LYSMD2: variants seen among roughly 807,000 people sequenced by gnomAD.
LYSMD2 encodes the protein lysM and putative peptidoglycan-binding domain-containing protein 2.
LYSMD2 carries 6 observed loss-of-function variants against 17.7 expected under a neutral mutation model. The ratio of observed to expected loss-of-function variants is 0.34; its 90% CI spans 0.19 to 0.67. LYSMD2 has a LOEUF of 0.67. Among genes scored for constraint, LYSMD2 ranks in the 30% least tolerant of loss-of-function variants. The pLI is 0.69. For synonymous variants in LYSMD2, 102 were observed against 129.8 expected (o/e 0.79, Z 1.45); for missense variants, 237 against 286.7 (o/e 0.83, Z 1.25).
chr15:51,748,004 G>A (rs1162597723), intron 1 of LYSMD2, among the ~76,000 whole-genome samples: 1 of 152,106 alleles, frequency 6.6e-6, no homozygotes, highest in Non-Finnish European at 1.5e-5. Flanking sequence ...CGGGCCCGGT[G>A]GCTCACGCCT....
chr15:51,727,851 TACAAGATGACAC>T (rs2141592715), intron 1 of LYSMD2, among the ~76,000 whole-genome samples: 1 of 152,336 alleles, frequency 6.6e-6, no homozygotes, highest in South Asian at 2.1e-4. Flanking sequence ...TGGTCTAGAC[TACAAGATGACAC>T]ACAAGATGAC....
chr15:51,745,564 A>G (rs1156583755), intron 1 of LYSMD2, among the ~76,000 whole-genome samples: 1 of 152,186 alleles, frequency 6.6e-6, no homozygotes, highest in Non-Finnish European at 1.5e-5. Context: ...TGTTATAAGA[A>G]CATTCAACAA....
intron 1 of LYSMD2, among the ~76,000 whole-genome samples, chr15:51,747,258 G>A (rs1193151381): frequency 6.6e-6 from 1 of 151,546 alleles, no homozygotes; most frequent in East Asian, 2.0e-4. Flanking sequence ...TTGGGAGGCT[G>A]AGGCAGGCGG....
At chr15:51,746,037 G>A (rs2141603684) in intron 1 of LYSMD2, among the ~76,000 whole-genome samples, 1 of 152,292 alleles carries the variant, frequency 6.6e-6, no homozygotes, top group South Asian at 2.1e-4. Flanking sequence ...TTGGAAAACA[G>A]TTTGGTGGTC....
chr15:51,734,980 G>A (rs987676561), intron 1 of LYSMD2, among the ~76,000 whole-genome samples: 9 of 152,072 alleles, frequency 5.9e-5, no homozygotes, highest in African/African-American at 2.2e-4. Context: ...TTCCAGACCA[G>A]CCTGGGCAAC....
intron 1 of LYSMD2, among the ~76,000 whole-genome samples, chr15:51,735,829 A>C (rs546322917): frequency 1.3e-5 from 2 of 152,234 alleles, no homozygotes. Flanking sequence ...GGAAGACAGC[A>C]TGGGAAATAA....
At position 51,724,825 on chromosome 15, in the gene LYSMD2, T is replaced by A; in HGVS notation, c.570A>T (p.Ser190=). Residue 190 remains serine (S), a synonymous_variant, in exon 2 of 3, where the codon TCA becomes TCT. Coordinates refer to ENST00000267838, the MANE Select transcript of LYSMD2 (RefSeq NM_153374.3). ...LQRLDLQIKL[S]TQAAKKLKEE... Reference sequence around the variant, plus strand: ...CTTTTAGCTTCTTGGCTGCCTGTGTTGATAACTTAATCTGCAAGTCAAGTC... The same window carrying A: ...CTTTTAGCTTCTTGGCTGCCTGTGTAGATAACTTAATCTGCAAGTCAAGTC... 1 of 1,614,022 alleles carries A rather than the reference T, an allele frequency of 6.2e-7. No homozygotes were observed. Among genetic ancestry groups the A allele is most frequent in the Non-Finnish European group, 8.5e-7 (1 of 1,179,950 alleles).
exon 1 of LYSMD2, chr15:51,751,316 C>G: frequency 1.4e-6 from 1 of 702,720 alleles, no homozygotes; most frequent in Non-Finnish European, 2.6e-6. Context: ...TGCTCGCTCA[C>G]AGGAATGCTC....
At position 51,735,140 on chromosome 15, in the gene LYSMD2, C is replaced by G. The variant is rs971011861; in HGVS notation, c.273+2210G>C. Among the ~76,000 whole-genome samples, 11 of 151,768 alleles carry G rather than the reference C, an allele frequency of 7.2e-5. 1 individual carries two copies. The highest frequency in any genetic ancestry group is 2.7e-4 in the African/African-American group (11 of 41,332). On this transcript the variant is annotated intron_variant, in intron 1 of 2. Transcript: ENST00000267838. ...AGTGAGCCATGTTAGTGCCACTGCA[C>G]TCCAGCCTGGGTAACAGAGTGAGAC...
Position 51,737,630 on chromosome 15 carries a change from G to A in LYSMD2, c.-8C>T, listed in dbSNP as rs2055620142. ...GGGCGAGGAATCCGCCATGGGTCCT[G>A]CCGAGGCCGCCGGGTCGGGGAGCTT... On this transcript the variant is annotated 5_prime_UTR_variant, in exon 1 of 3. Transcript: ENST00000267838. The surrounding 1 kb of genome is among the most constrained non-coding windows in gnomAD (Gnocchi z 4.2). 2 of 1,205,568 alleles carry A rather than the reference G, an allele frequency of 1.7e-6. No homozygotes were observed. The highest frequency in any genetic ancestry group is 4.1e-5 in the South Asian group (1 of 24,162). 74.7% of individuals were successfully genotyped at this position (1,205,568 alleles called of 1,614,324 possible).
chr15:51,741,651 G>T (rs1422112810), upstream of LYSMD2, among the ~76,000 whole-genome samples: 1 of 152,166 alleles, frequency 6.6e-6, no homozygotes, highest in Non-Finnish European at 1.5e-5. Context: ...CCCGGGTGGT[G>T]GTTCTCGCCT....
At chr15:51,735,674 A>G (rs2055604495) in intron 1 of LYSMD2, among the ~76,000 whole-genome samples, 1 of 152,274 alleles carries the variant, frequency 6.6e-6, no homozygotes, top group African/African-American at 2.4e-5. Context: ...TGAGGTTATG[A>G]GTAATAGGAT....
At chr15:51,727,383 G>C (rs747946270) in intron 1 of LYSMD2, among the ~76,000 whole-genome samples, 1 of 152,210 alleles carries the variant, frequency 6.6e-6, no homozygotes, top group Non-Finnish European at 1.5e-5. Flanking sequence ...CAGATCCAAG[G>C]CTCCAGATCT....
chr15:51,734,786 T>C (rs1241572124), intron 1 of LYSMD2, among the ~76,000 whole-genome samples: 4 of 152,228 alleles, frequency 2.6e-5, no homozygotes, highest in African/African-American at 9.6e-5. Context: ...GAAACCTAAT[T>C]TGCTCAACTT....
At chr15:51,733,108 G>A (rs1263571465) in intron 1 of LYSMD2, among the ~76,000 whole-genome samples, 2 of 152,058 alleles carry the variant, frequency 1.3e-5, no homozygotes, top group Admixed American at 6.6e-5. Flanking sequence ...CTCCTGGAAG[G>A]TGCCAATTAT....
At chr15:51,737,930 C>T (rs2055623460), upstream of LYSMD2, 2 of 212,280 alleles carry the variant, frequency 9.4e-6, no homozygotes. This position sits in a 1 kb window ranked among gnomAD's most constrained non-coding sequence, Gnocchi z 4.2. Flanking sequence ...GCGCTGAAGC[C>T]CGCGGCCGTT....
intron 1 of LYSMD2, among the ~76,000 whole-genome samples, chr15:51,747,525 T>C (rs1204757846): frequency 1.3e-5 from 2 of 152,250 alleles, no homozygotes; most frequent in African/African-American, 4.8e-5. Context: ...AAACAGACCT[T>C]AATATAATCA....
At chr15:51,751,074 A>G (rs1291419688) in intron 1 of LYSMD2, among the ~76,000 whole-genome samples, 1 of 152,216 alleles carries the variant, frequency 6.6e-6, no homozygotes, top group Non-Finnish European at 1.5e-5. Context: ...GAAGGCTCAG[A>G]CAGGCTAAGT....
intron 1 of LYSMD2, among the ~76,000 whole-genome samples, chr15:51,744,229 A>G (rs569864923): frequency 6.6e-6 from 1 of 152,226 alleles, no homozygotes; most frequent in African/African-American, 2.4e-5. Context: ...ATCTTGGGGG[A>G]AAAGCATCTA....
Sources: gnomAD v4.1 joint callset for allele counts (sites outside exome capture counted in the v4.1 genomes callset) on GRCh38, gnomAD v4.1.1 for gene constraint, Gnocchi (gnomAD v3.1) non-coding constraint, MANE v1.5 for transcripts, NCBI Gene and HGNC (gene_info 2026-07-23, HGNC 2026-07-21) for gene names.